The following FGF13 variants were observed in gnomAD, a reference collection of about 807,000 sequenced individuals.
The protein encoded by FGF13 is fibroblast growth factor homologous factor 2.
Under a neutral mutation model 19.5 loss-of-function variants are expected in FGF13, and 2 were observed. The ratio of observed to expected loss-of-function variants is 0.10; its 90% CI spans 0.04 to 0.32. The LOEUF is 0.32. FGF13 is among the 10% of genes least tolerant of loss of function. The pLI is 1.00. For missense variants in FGF13, 113 were observed against 192.7 expected (o/e 0.59, Z 2.45); for synonymous variants, 72 against 76.9 (o/e 0.94, Z 0.33).
chrX:138,693,601 CAA>C (rs1380668115), intron 3 of FGF13, among the ~76,000 whole-genome samples: 1 of 111,523 alleles, frequency 9.0e-6, no homozygotes, highest in African/African-American at 3.3e-5. Flanking sequence ...AATGATTCAT[CAA>C]AAAAGTTTAT....
At chrX:138,830,689 G>GTGTGTA (rs1397217611) in intron 3 of FGF13, among the ~76,000 whole-genome samples, 2 of 46,046 alleles carry the variant, frequency 4.3e-5, no homozygotes, top group Non-Finnish European at 4.2e-5. Context: ...AGGGGTGTTT[G>GTGTGTA]TGTGTGTGTG....
At chrX:138,746,993 G>A (rs780434294) in intron 3 of FGF13, among the ~76,000 whole-genome samples, 17 of 111,320 alleles carry the variant, frequency 1.5e-4, no homozygotes, top group Middle Eastern at 4.7e-3. Context: ...TGTTTCCCTC[G>A]TAACCAGGGC....
intron 1 of FGF13, among the ~76,000 whole-genome samples, chrX:139,004,203 G>A (rs939749334): frequency 8.9e-5 from 10 of 112,817 alleles, no homozygotes; most frequent in Non-Finnish European, 1.7e-4. Context: ...GTGAGAAATC[G>A]AGCGCAGCGC....
intron 3 of FGF13, among the ~76,000 whole-genome samples, chrX:138,833,602 A>T (rs1408634391): frequency 9.0e-6 from 1 of 111,601 alleles, no homozygotes; most frequent in Non-Finnish European, 1.9e-5. Flanking sequence ...TCATCTGCTA[A>T]CAGGGATAAT....
chrX:138,688,391 C>T (rs1391702511), intron 3 of FGF13, among the ~76,000 whole-genome samples: 1 of 111,209 alleles, frequency 9.0e-6, no homozygotes, highest in African/African-American at 3.3e-5. Context: ...AGAAGGAATA[C>T]ATTCTAGTAT....
At chrX:138,759,798 G>C (rs1020839306) in intron 3 of FGF13, among the ~76,000 whole-genome samples, 10 of 112,101 alleles carry the variant, frequency 8.9e-5, no homozygotes, top group Non-Finnish European at 1.7e-4. Flanking sequence ...ACTTGGAGCT[G>C]TGTAGGCTTG....
chrX:138,823,980 C>A (rs1365766637), intron 3 of FGF13, among the ~76,000 whole-genome samples: 1 of 111,964 alleles, frequency 8.9e-6, no homozygotes, highest in Admixed American at 9.5e-5. Context: ...GTCTCTAGAG[C>A]TCCTTTATCT....
At chrX:138,838,071 C>T (rs766612954) in intron 3 of FGF13, among the ~76,000 whole-genome samples, 1 of 112,259 alleles carries the variant, frequency 8.9e-6, no homozygotes, top group African/African-American at 3.2e-5. Flanking sequence ...TCTGGATCAG[C>T]TAAGTTGCCC....
At chrX:139,171,235 A>C (rs1375314969) in intron 1 of FGF13, among the ~76,000 whole-genome samples, 1 of 112,166 alleles carries the variant, frequency 8.9e-6, no homozygotes, top group Non-Finnish European at 1.9e-5. Flanking sequence ...TGAAAGAATA[A>C]GGATGCATTC....
chrX:138,648,384 C>T (rs1262177967), intron 3 of FGF13, among the ~76,000 whole-genome samples: 3 of 111,678 alleles, frequency 2.7e-5, no homozygotes, highest in African/African-American at 6.5e-5. Context: ...AGGCCCTCCA[C>T]AATCTGGCAC....
At chrX:138,994,001 A>G (rs1309909513) in intron 1 of FGF13, among the ~76,000 whole-genome samples, 1 of 111,470 alleles carries the variant, frequency 9.0e-6, no homozygotes, top group Non-Finnish European at 1.9e-5. Flanking sequence ...CATTAGAGAT[A>G]TATATTTTAC....
chrX:138,637,658 AG>A (rs774640816), intron 3 of FGF13, among the ~76,000 whole-genome samples: 4 of 111,831 alleles, frequency 3.6e-5, no homozygotes, highest in Non-Finnish European at 7.5e-5. Context: ...AAATATTCAT[AG>A]GTAAGTAATA....
rs997518068 is a variant in FGF13 at position 139,178,532 on chromosome X, C to T, written c.-113+24884G>A. 2.7e-5 allele frequency among the ~76,000 whole-genome samples: 3 copies of T among 112,055 alleles called. No homozygotes were observed. In the East Asian group the frequency reaches 8.4e-4, roughly 31 times the overall value. On this transcript the variant is annotated intron_variant, in intron 1 of 2. Coordinates refer to the FGF13 transcript ENST00000421460. ...CACAAACTTAGAGCCAAAGCCCACA[C>T]TCCACATCACCATGTCACATAAGGA...
At chrX:139,118,634 C>T (rs2083656225) in intron 1 of FGF13, among the ~76,000 whole-genome samples, 3 of 111,439 alleles carry the variant, frequency 2.7e-5, no homozygotes, top group South Asian at 7.6e-4. Context: ...GAATCCAATG[C>T]CCTTCACTCC....
At chrX:139,001,260 C>G (rs766679531) in intron 1 of FGF13, among the ~76,000 whole-genome samples, 1 of 111,515 alleles carries the variant, frequency 9.0e-6, no homozygotes, top group African/African-American at 3.3e-5. Context: ...CAATACCATT[C>G]AGGACTTAGG....
At chrX:139,029,336 T>A (rs1423938588) in intron 1 of FGF13, among the ~76,000 whole-genome samples, 1 of 111,680 alleles carries the variant, frequency 9.0e-6, no homozygotes, top group Non-Finnish European at 1.9e-5. Flanking sequence ...ACACTTGGAA[T>A]TGATGGCTGC....
intron 3 of FGF13, among the ~76,000 whole-genome samples, chrX:138,828,974 C>T (rs2091053586): frequency 9.0e-6 from 1 of 111,412 alleles, no homozygotes; most frequent in Non-Finnish European, 1.9e-5. Context: ...CCTCTAAAAC[C>T]AATACTGAAA....
At chrX:138,680,477 A>G (rs2089716913) in intron 3 of FGF13, among the ~76,000 whole-genome samples, 1 of 112,056 alleles carries the variant, frequency 8.9e-6, no homozygotes, top group Admixed American at 9.5e-5. Flanking sequence ...ATGTTGTGCT[A>G]GTGGCCATGA....
At chrX:139,051,167 A>C (rs2092302417) in intron 1 of FGF13, among the ~76,000 whole-genome samples, 1 of 112,143 alleles carries the variant, frequency 8.9e-6, no homozygotes, top group Admixed American at 9.5e-5. Flanking sequence ...TAAATTCAAT[A>C]ATCAAGGTGT....
Sources: gnomAD v4.1 joint callset for allele counts (sites outside exome capture counted in the v4.1 genomes callset) on GRCh38, gnomAD v4.1.1 for gene constraint, MANE v1.5 for transcripts, NCBI Gene and HGNC (gene_info 2026-07-23, HGNC 2026-07-21) for gene names.